Variants in DIP2C observed in about 807,000 individuals in gnomAD.
DIP2C encodes the protein DIP2 acetate--CoA ligase C (putative), also known as disco-interacting protein 2 homolog C.
In DIP2C, 33 loss-of-function variants were observed where a neutral mutation model predicts 192.4. The ratio of observed to expected loss-of-function variants is 0.17; its 90% CI spans 0.13 to 0.23. The LOEUF is 0.23. Among genes scored for constraint, DIP2C ranks in the 10% least tolerant of loss-of-function variants. The pLI, the probability that DIP2C is intolerant of heterozygous loss-of-function variation, is 1.00. For missense variants in DIP2C, 1,537 were observed against 2,110.1 expected (o/e 0.73, Z 5.32); for synonymous variants, 979 against 864.1 (o/e 1.13, Z -2.33).
intron 1 of DIP2C, among the ~76,000 whole-genome samples, chr10:626,680 G>T (rs1854224728): frequency 6.6e-6 from 1 of 152,164 alleles, no homozygotes; most frequent in African/African-American, 2.4e-5. Flanking sequence ...CCTGCATGGG[G>T]CCAGAAGGGC....
chr10:595,066 GTCT>G (rs1588550649), intron 1 of DIP2C, among the ~76,000 whole-genome samples: 1 of 152,320 alleles, frequency 6.6e-6, no homozygotes, highest in South Asian at 2.1e-4. Flanking sequence ...CGACCCGCAG[GTCT>G]TCTACATGGC....
chr10:485,644 C>T (rs1327714291), intron 2 of DIP2C, among the ~76,000 whole-genome samples: 2 of 152,202 alleles, frequency 1.3e-5, no homozygotes, highest in African/African-American at 2.4e-5. Context: ...AGAACAGAAT[C>T]GGGGTTTGTG....
chr10:487,689 T>C (rs1336785433), intron 1 of DIP2C, among the ~76,000 whole-genome samples: 1 of 139,874 alleles, frequency 7.1e-6, no homozygotes, highest in African/African-American at 2.6e-5. Context: ...ACCATTCTCC[T>C]ACCTCAGCCT....
At chr10:337,011 CTGTGTGTG>C (rs71374355) in intron 29 of DIP2C, among the ~76,000 whole-genome samples, 4 of 38,624 alleles carry the variant, frequency 1.0e-4, no homozygotes, top group Admixed American at 6.8e-4. Flanking sequence ...GCCTAGGCAG[CTGTGTGTG>C]TGTGTGTGTG....
intron 7 of DIP2C, among the ~76,000 whole-genome samples, chr10:414,890 G>GTGTATA (rs1452383924): frequency 8.3e-5 from 3 of 36,140 alleles, no homozygotes; most frequent in Admixed American, 3.1e-4. Context: ...GTGTGTGTGT[G>GTGTATA]TATATATATA....
intron 1 of DIP2C, among the ~76,000 whole-genome samples, chr10:511,490 A>C (rs765307816): frequency 2.6e-5 from 4 of 152,250 alleles, no homozygotes; most frequent in Non-Finnish European, 4.4e-5. Flanking sequence ...ATGCTGCTTA[A>C]ACACGGAGAA....
chr10:535,662 A>G (rs148873138), intron 1 of DIP2C, among the ~76,000 whole-genome samples: 51 of 152,136 alleles, frequency 3.4e-4, no homozygotes, highest in African/African-American at 1.2e-3. Flanking sequence ...TTATATTACC[A>G]TCTTTTCTCA....
intron 5 of DIP2C, among the ~76,000 whole-genome samples, chr10:420,020 C>A (rs919350487): frequency 1.3e-5 from 2 of 152,166 alleles, no homozygotes; most frequent in East Asian, 3.9e-4. Context: ...TGATGACGGG[C>A]GCCACGATGC....
intron 1 of DIP2C, among the ~76,000 whole-genome samples, chr10:545,315 T>C (rs1848228760): frequency 6.6e-6 from 1 of 151,994 alleles, no homozygotes; most frequent in Non-Finnish European, 1.5e-5. Context: ...TACAGGCACC[T>C]GCCACAACGC....
chr10:287,297 A>G (rs941381026), intron 33 of DIP2C, among the ~76,000 whole-genome samples: 2 of 152,186 alleles, frequency 1.3e-5, no homozygotes, highest in Non-Finnish European at 2.9e-5. Flanking sequence ...CATTCCACTG[A>G]TACCACTTAT....
chr10:342,537 G>C (rs927931063), intron 28 of DIP2C, among the ~76,000 whole-genome samples: 11 of 152,212 alleles, frequency 7.2e-5, no homozygotes, highest in Non-Finnish European at 1.6e-4. Flanking sequence ...TCGAGGCCCT[G>C]TCTTATTCAC....
chr10:306,473 A>G (rs1418079735), intron 32 of DIP2C, among the ~76,000 whole-genome samples: 1 of 152,208 alleles, frequency 6.6e-6, no homozygotes, highest in African/African-American at 2.4e-5. Context: ...AACCTTCTCC[A>G]GAGTAATTAG....
At chr10:606,970 C>A (rs1195715528) in intron 1 of DIP2C, among the ~76,000 whole-genome samples, 2 of 152,230 alleles carry the variant, frequency 1.3e-5, no homozygotes, top group African/African-American at 4.8e-5. Context: ...AAACCCAAGT[C>A]CCTGCACTCA....
intron 1 of DIP2C, among the ~76,000 whole-genome samples, chr10:542,482 C>A (rs1291608658): frequency 6.6e-6 from 1 of 152,242 alleles, no homozygotes; most frequent in Non-Finnish European, 1.5e-5. Context: ...AGCGGCCAGA[C>A]GACCACAGCC....
intron 14 of DIP2C, among the ~76,000 whole-genome samples, chr10:385,070 G>C (rs1225436200): frequency 1.3e-5 from 2 of 151,340 alleles, no homozygotes; most frequent in African/African-American, 4.9e-5. Flanking sequence ...GCAGCTCTCA[G>C]GGAGCGCCAC....
intron 1 of DIP2C, among the ~76,000 whole-genome samples, chr10:573,756 G>C (rs1232914520): frequency 6.6e-6 from 1 of 151,590 alleles, no homozygotes; most frequent in Non-Finnish European, 1.5e-5. Flanking sequence ...TCAGAGTCTT[G>C]TAGGTACTTA....
At chr10:606,973 T>C (rs1035069694) in intron 1 of DIP2C, among the ~76,000 whole-genome samples, 1 of 152,204 alleles carries the variant, frequency 6.6e-6, no homozygotes, top group South Asian at 2.1e-4. Context: ...CCCAAGTCCC[T>C]GCACTCATGT....
intron 1 of DIP2C, among the ~76,000 whole-genome samples, chr10:566,222 G>A (rs1849459929): frequency 1.3e-5 from 2 of 152,026 alleles, no homozygotes; most frequent in African/African-American, 4.8e-5. Flanking sequence ...CATTAAGAGT[G>A]TCTGAAGAAA....
chr10:355,518 CAAG>C (rs1241450743), intron 24 of DIP2C, among the ~76,000 whole-genome samples: 1 of 152,222 alleles, frequency 6.6e-6, no homozygotes, highest in Non-Finnish European at 1.5e-5. Flanking sequence ...CTATACTTGT[CAAG>C]AAGACTTACA....
Sources: gnomAD v4.1 joint callset for allele counts (sites outside exome capture counted in the v4.1 genomes callset) on GRCh38, gnomAD v4.1.1 for gene constraint, MANE v1.5 for transcripts, NCBI Gene and HGNC (gene_info 2026-07-23, HGNC 2026-07-21) for gene names.